Variants in TIMMDC1 observed in about 807,000 individuals in gnomAD.
TIMMDC1 encodes complex I assembly factor TIMMDC1, mitochondrial.
Under a neutral mutation model 32.6 loss-of-function variants are expected in TIMMDC1, and 25 were observed. That is an observed-to-expected ratio of 0.77 (90% confidence interval 0.56 to 1.07). TIMMDC1 has a LOEUF of 1.07. TIMMDC1 is among the 50% of genes least tolerant of loss of function. The pLI is 0.00. For synonymous variants in TIMMDC1, 130 were observed against 127.6 expected (o/e 1.02, Z -0.13); for missense variants, 329 against 349.2 (o/e 0.94, Z 0.46).
intron 4 of TIMMDC1, among the ~76,000 whole-genome samples, chr3:119,509,023 T>G (rs886990937): frequency 6.6e-6 from 1 of 151,962 alleles, no homozygotes; most frequent in Non-Finnish European, 1.5e-5. Context: ...CTGGCCAACA[T>G]GGTGAAACCT....
Position 119,500,856 on chromosome 3 carries a change from C to T in TIMMDC1, c.356C>T (p.Ala119Val). ...GAAATTTATCATAACCGGTTTGATGCTGTGGTATGTACTGGTGATCTAAAG... is the reference window on the plus strand; with the variant it reads ...GAAATTTATCATAACCGGTTTGATGTTGTGGTATGTACTGGTGATCTAAAG... ...QAEIYHNRFDAVQSAHRAATR... is the reference protein window; with the variant it reads ...QAEIYHNRFDVVQSAHRAATR... Residue 119 changes from alanine to valine, a missense_variant, in exon 2 of 7, where the codon GCT becomes GTT. Physicochemically the swap from Ala to Val is moderately conservative, Grantham distance 64 (BLOSUM62 0). Transcript: ENST00000494664. 6.2e-7 allele frequency: 1 copy of T among 1,613,502 alleles called. No homozygotes were observed. Among genetic ancestry groups the T allele is most frequent in the Non-Finnish European group, 8.5e-7 (1 of 1,179,702 alleles).
intron 6 of TIMMDC1, among the ~76,000 whole-genome samples, chr3:119,521,227 C>A (rs2082024635): frequency 6.6e-6 from 1 of 152,106 alleles, no homozygotes; most frequent in Admixed American, 6.6e-5. Flanking sequence ...TATTAGAAAT[C>A]CTAGCCAGAG....
In TIMMDC1 at chr3:119,523,815, T is replaced by C; in HGVS notation, c.*59T>C. On this transcript the variant is annotated 3_prime_UTR_variant, in exon 7 of 7. Coordinates refer to ENST00000494664, the MANE Select transcript of TIMMDC1 (RefSeq NM_016589.4). ...GAAGGGAGCTGCCATGTCCGATGAATGCCAACAGACAGGCCACTCTTTGGT... is the reference window on the plus strand; with the variant it reads ...GAAGGGAGCTGCCATGTCCGATGAACGCCAACAGACAGGCCACTCTTTGGT... 6.9e-7 allele frequency: 1 copy of C among 1,457,806 alleles called. No individual in the cohort carries two copies. The highest frequency in any genetic ancestry group is 9.1e-7 in the Non-Finnish European group (1 of 1,098,416). The allele number at this position is 1,457,806 out of a possible 1,614,324, so 90.3% of individuals were successfully genotyped here.
At chr3:119,521,061 G>A (rs1261888922) in intron 6 of TIMMDC1, among the ~76,000 whole-genome samples, 3 of 152,086 alleles carry the variant, frequency 2.0e-5, no homozygotes, top group African/African-American at 7.2e-5. Flanking sequence ...CTCCCAAAAA[G>A]TTAGGGGTAG....
At position 119,500,936 on chromosome 3, in the gene TIMMDC1, G is replaced by A. The variant is rs1038243283; in HGVS notation, c.360+76G>A. The A allele has an allele frequency of 6.2e-6, 9 of 1,456,370 alleles. No homozygotes were observed. In the African/African-American group the frequency reaches 1.3e-4, roughly 21 times the overall value. The allele number at this position is 1,456,370 out of a possible 1,614,324, so 90.2% of individuals were successfully genotyped here. A position where few individuals can be genotyped will look rare whatever the true frequency, so the allele number is the denominator to read the frequency against. On this transcript the variant is annotated intron_variant, in intron 2 of 6. Transcript: ENST00000494664. ...ACTTTACACTTAATCATTCAATTAG[G>A]TTGTGGGGATGGAGGGTTGTTTTAA... is the stretch of plus-strand genomic sequence containing the variant.
At chr3:119,516,378 G>A (rs2081985556) in intron 5 of TIMMDC1, among the ~76,000 whole-genome samples, 1 of 152,102 alleles carries the variant, frequency 6.6e-6, no homozygotes. Context: ...TATTTACTTA[G>A]CATAATAATG....
At chr3:119,506,518 C>CAAAA (rs202052248) in intron 4 of TIMMDC1, among the ~76,000 whole-genome samples, 41 of 112,866 alleles carry the variant, frequency 3.6e-4, no homozygotes, top group African/African-American at 1.1e-3. Flanking sequence ...GACCCTGTCT[C>CAAAA]AAAAAAAAAA....
In TIMMDC1 at chr3:119,499,785, T is replaced by G. The variant is rs550303176; in HGVS notation, c.194+858T>G. ...TTAAGACAGCTATTTGTTAGAGCAGTCTCAGGATGACATCTTGGAAGCTTC... is the reference window on the plus strand; with the variant it reads ...TTAAGACAGCTATTTGTTAGAGCAGGCTCAGGATGACATCTTGGAAGCTTC... On this transcript the variant is annotated intron_variant, in intron 1 of 6. Transcript: ENST00000494664. 2.0e-5 allele frequency among the ~76,000 whole-genome samples: 3 copies of G among 152,352 alleles called. No homozygotes were observed. The South Asian group carries it at 6.2e-4, about 32-fold the overall frequency.
At chr3:119,499,909 T>A (rs2107725651) in intron 1 of TIMMDC1, among the ~76,000 whole-genome samples, 1 of 152,332 alleles carries the variant, frequency 6.6e-6, no homozygotes, top group Non-Finnish European at 1.5e-5. Flanking sequence ...ACCCACTGCA[T>A]AGTGAACTTT....
intron 4 of TIMMDC1, among the ~76,000 whole-genome samples, chr3:119,508,982 G>C (rs1405708562): frequency 6.6e-6 from 1 of 152,138 alleles, no homozygotes; most frequent in Non-Finnish European, 1.5e-5. Context: ...GAGGCAGGCA[G>C]ATCTCTTGAG....
rs1033299684 is a variant in TIMMDC1 at position 119,524,487 on chromosome 3, C to G, written c.*731C>G. ...CTAGTACCTTATGTTGGTGTTAGACCTCTCTGCCCTACACTGAGAATATAG... is the reference window on the plus strand; with the variant it reads ...CTAGTACCTTATGTTGGTGTTAGACGTCTCTGCCCTACACTGAGAATATAG... On this transcript the variant is annotated 3_prime_UTR_variant, in exon 7 of 7. Transcript: ENST00000494664. 1 of 147,832 alleles carries G rather than the reference C, an allele frequency of 6.8e-6. No individual in the cohort carries two copies. 9.2% of individuals were successfully genotyped at this position (147,832 alleles called of 1,614,324 possible). A position where few individuals can be genotyped will look rare whatever the true frequency, so the allele number is the denominator to read the frequency against.
intron 1 of TIMMDC1, among the ~76,000 whole-genome samples, chr3:119,499,889 G>C (rs2081857029): frequency 6.6e-6 from 1 of 152,134 alleles, no homozygotes. Flanking sequence ...ATTTTAGATT[G>C]GCATGTGCCA....
chr3:119,506,276 A>T (rs886897900), intron 4 of TIMMDC1, among the ~76,000 whole-genome samples: 15 of 152,302 alleles, frequency 9.8e-5, no homozygotes, highest in African/African-American at 2.9e-4. Context: ...TGTAACCAGC[A>T]CTTTGGGAGG....
chr3:119,515,329 C>G (rs1045387646), intron 5 of TIMMDC1, among the ~76,000 whole-genome samples: 2 of 151,842 alleles, frequency 1.3e-5, no homozygotes, highest in Admixed American at 6.6e-5. Flanking sequence ...CTGGAGGCCA[C>G]CCACATTTCT....
intron 4 of TIMMDC1, among the ~76,000 whole-genome samples, chr3:119,508,832 C>T (rs1473244303): frequency 1.3e-5 from 2 of 152,170 alleles, no homozygotes; most frequent in Non-Finnish European, 2.9e-5. Context: ...ATATCTGATT[C>T]AAATTTTGGG....
chr3:119,507,760 A>G (rs2081927110), intron 4 of TIMMDC1, among the ~76,000 whole-genome samples: 1 of 152,208 alleles, frequency 6.6e-6, no homozygotes, highest in Non-Finnish European at 1.5e-5. Context: ...TGGGTAAAAA[A>G]GGAATTATGG....
At chr3:119,510,472 T>G (rs1372054874) in intron 4 of TIMMDC1, among the ~76,000 whole-genome samples, 4 of 51,582 alleles carry the variant, frequency 7.8e-5, no homozygotes, top group African/African-American at 3.1e-4. Context: ...AAATGCTGAT[T>G]ATTAAGAGCA....
intron 3 of TIMMDC1, among the ~76,000 whole-genome samples, 159 bp downstream of exon 3, chr3:119,503,779 G>A (rs114529033): frequency 3.3e-5 from 5 of 151,536 alleles, no homozygotes; most frequent in Non-Finnish European, 5.9e-5. Flanking sequence ...GTAAAAGACT[G>A]GTGTAGTTAT....
intron 1 of TIMMDC1, among the ~76,000 whole-genome samples, chr3:119,499,783 A>C (rs1381108146): frequency 6.6e-6 from 1 of 152,238 alleles, no homozygotes; most frequent in African/African-American, 2.4e-5. Flanking sequence ...TTGTTAGAGC[A>C]GTCTCAGGAT....
Sources: gnomAD v4.1 joint callset for allele counts (sites outside exome capture counted in the v4.1 genomes callset) on GRCh38, gnomAD v4.1.1 for gene constraint, MANE v1.5 for transcripts, NCBI Gene and HGNC (gene_info 2026-07-23, HGNC 2026-07-21) for gene names.